MAP7D2: variants seen among roughly 807,000 people sequenced by gnomAD.
MAP7D2 encodes the protein MAP7 domain-containing protein 2.
In MAP7D2, 33 loss-of-function variants were observed where a neutral mutation model predicts 63.5. That is an observed-to-expected ratio of 0.52 (90% CI 0.39 to 0.70). The LOEUF is 0.70. Among genes scored for constraint, MAP7D2 ranks in the 30% least tolerant of loss-of-function variants. The pLI, the probability that MAP7D2 is intolerant of heterozygous loss-of-function variation, is 0.00. For synonymous variants in MAP7D2, 224 were observed against 223.7 expected, an observed-to-expected ratio of 1.00 and a Z score of -0.01; for missense variants, 626 against 604.0, an observed-to-expected ratio of 1.04 and a Z score of -0.38.
chrX:20,103,825 G>C (rs1020549686), intron 1 of MAP7D2, among the ~76,000 whole-genome samples: 1 of 111,579 alleles, frequency 9.0e-6, no homozygotes, highest in Non-Finnish European at 1.9e-5. Context: ...GTTGTACCTT[G>C]CATGTCTTAT....
rs200382711 is a variant in MAP7D2, at chrX:20,052,979, T to A, written c.494A>T (p.Lys165Ile). The change falls in exon 5 of 17, where the codon AAA (lysine) becomes ATA (isoleucine). Residue 165 changes from lysine to isoleucine, a missense_variant. Coordinates refer to ENST00000379643, the MANE Select transcript of MAP7D2 (RefSeq NM_001168465.2). ...CAAACTCATAGTTGATGTTGAAAGTTTGTCACATGCTGCAGAGAAATGCAT... is the reference window on the plus strand; with the variant it reads ...CAAACTCATAGTTGATGTTGAAAGTATGTCACATGCTGCAGAGAAATGCAT... ...IGPGGHDACD[K>I]LSTSTMSLPK... is the part of the protein sequence containing the mutation. 2.5e-6 allele frequency: 3 copies of A among 1,198,085 alleles called. No individual in the cohort carries two copies. In the South Asian group the frequency reaches 5.3e-5, roughly 21 times the overall value.
Position 20,056,669 on chromosome X carries a change from C to T in MAP7D2, c.484+11G>A. On this transcript the variant is annotated intron_variant, in intron 4 of 16. Coordinates refer to ENST00000379643, the MANE Select transcript of MAP7D2 (RefSeq NM_001168465.2). ...CCAGGACCTGAAATACAGGGGCAAC[C>T]CTACACTCACCATCATGTCCTCCGG... The T allele has an allele frequency of 2.5e-6, 3 of 1,198,713 alleles. No homozygotes were observed. The highest frequency in any genetic ancestry group is 3.4e-6 in the Non-Finnish European group (3 of 883,850).
At chrX:20,112,949 C>A (rs946090663) in intron 1 of MAP7D2, among the ~76,000 whole-genome samples, 4 of 112,270 alleles carry the variant, frequency 3.6e-5, no homozygotes, top group African/African-American at 1.3e-4. Flanking sequence ...ACACTAGCCA[C>A]TGCAGAAGAT....
intron 1 of MAP7D2, among the ~76,000 whole-genome samples, chrX:20,085,320 C>G (rs1387816882): frequency 8.9e-6 from 1 of 112,066 alleles, no homozygotes; most frequent in East Asian, 2.8e-4. Flanking sequence ...GTACTGAAAA[C>G]TGGGTTTACC....
chrX:20,108,337 C>T (rs963689239), intron 1 of MAP7D2, among the ~76,000 whole-genome samples: 8 of 109,503 alleles, frequency 7.3e-5, no homozygotes, highest in Non-Finnish European at 1.3e-4. Context: ...CTGGTTCAAG[C>T]GATTCTCGTG....
At chrX:20,093,330 G>T (rs1044857771) in intron 1 of MAP7D2, among the ~76,000 whole-genome samples, 2 of 111,528 alleles carry the variant, frequency 1.8e-5, no homozygotes, top group African/African-American at 6.5e-5. Flanking sequence ...GGAAAAAAGG[G>T]TGGTGGCTTA....
At chrX:20,084,712 G>A (rs2065867220) in intron 1 of MAP7D2, among the ~76,000 whole-genome samples, 1 of 109,912 alleles carries the variant, frequency 9.1e-6, no homozygotes, top group Middle Eastern at 4.2e-3. Context: ...GGGATTACAG[G>A]TGCGCACCAC....
rs1366685291 is a variant in MAP7D2 at position 20,063,457 on chromosome X, G to T, written c.329C>A (p.Ala110Asp). 1 of 1,211,742 alleles carries T rather than the reference G, an allele frequency of 8.3e-7. No homozygotes were observed. Among genetic ancestry groups the T allele is most frequent in the Non-Finnish European group, 1.1e-6 (1 of 895,489 alleles). ...CTGTTTCCTTTTCTCTTCCACAGCAGCTCTCTTTTGGTCCTCCCGCTGCCG... is the reference window on the plus strand; with the variant it reads ...CTGTTTCCTTTTCTCTTCCACAGCATCTCTCTTTTGGTCCTCCCGCTGCCG... ...EQRQREDQKR[A>D]AVEEKRKQKL... is the part of the protein sequence containing the mutation. Residue 110 changes from alanine (A) to aspartate (D), a missense_variant, in exon 3 of 17, where the codon GCT (alanine) becomes GAT (aspartate). Coordinates refer to ENST00000379643, the MANE Select transcript of MAP7D2 (RefSeq NM_001168465.2).
intron 1 of MAP7D2, among the ~76,000 whole-genome samples, chrX:20,112,191 C>T (rs559915041): frequency 8.9e-6 from 1 of 111,975 alleles, no homozygotes; most frequent in South Asian, 3.7e-4. Flanking sequence ...CTATTTGGCA[C>T]TGAGAGGAAA....
intron 6 of MAP7D2, among the ~76,000 whole-genome samples, chrX:20,050,069 A>C (rs1181973088): frequency 2.7e-5 from 3 of 112,345 alleles, no homozygotes; most frequent in Non-Finnish European, 3.8e-5. Flanking sequence ...TGAGTACACT[A>C]TCTGGAGAAC....
At position 20,016,302 on chromosome X, in the gene MAP7D2, C is replaced by A. The variant is rs1422949800; in HGVS notation, c.1436G>T (p.Arg479Ile). ...QDRLEREELK[R>I]KAEEERLRLE... is the part of the protein sequence containing the mutation. Reference sequence around the variant, plus strand: ...GCGAAGCCTTTCCTCCTCTGCCTTTCTTTTCAATTCCTCTCTCTCCAGCCT... The same window carrying A: ...GCGAAGCCTTTCCTCCTCTGCCTTTATTTTCAATTCCTCTCTCTCCAGCCT... The change falls in exon 11 of 17, where the codon AGA becomes ATA. Residue 479 changes from arginine (R) to isoleucine (I), a missense_variant. Transcript: ENST00000379643. The A allele has an allele frequency of 3.3e-6, 4 of 1,208,727 alleles. No homozygotes were observed. Among genetic ancestry groups the A allele is most frequent in the Non-Finnish European group, 4.5e-6 (4 of 894,862 alleles).
chrX:20,089,749 T>C (rs1320794806), intron 1 of MAP7D2, among the ~76,000 whole-genome samples: 4 of 112,682 alleles, frequency 3.5e-5, no homozygotes, highest in Non-Finnish European at 5.6e-5. Context: ...ATATTTACAA[T>C]GTACATATTT....
chrX:20,095,261 A>G (rs1183363698), intron 1 of MAP7D2, among the ~76,000 whole-genome samples: 1 of 112,050 alleles, frequency 8.9e-6, no homozygotes, highest in African/African-American at 3.2e-5. Flanking sequence ...GGCCAAGGCC[A>G]CACACAGTGG....
chrX:20,025,705 C>T lies in MAP7D2; in HGVS notation c.1255G>A (p.Gly419Arg), dbSNP rs1339083443. The T allele has an allele frequency of 2.5e-6, 3 of 1,210,400 alleles. No homozygotes were observed. In the African/African-American group the frequency reaches 5.2e-5, roughly 21 times the overall value. Reference protein sequence around the residue: ...HASEKHAAAAGGKAENSAALG... With the variant: ...HASEKHAAAARGKAENSAALG... ...CCTGCGCTGTTTTCGGCTTTCCCTCCTGCGGCAGCAGCATGCTTCTCGCTG... is the reference window on the plus strand; with the variant it reads ...CCTGCGCTGTTTTCGGCTTTCCCTCTTGCGGCAGCAGCATGCTTCTCGCTG... Residue 419 changes from glycine to arginine, a missense_variant, in exon 9 of 17, where the codon GGA (glycine) becomes AGA (arginine). Gly to Arg is a moderately radical substitution (Grantham distance 125). Transcript: ENST00000379643.
chrX:20,064,918 A>G, intron 1 of MAP7D2, 113 bp from the exon 2 acceptor site: 2 of 578,851 alleles, frequency 3.5e-6, no homozygotes, highest in Non-Finnish European at 5.8e-6. Context: ...CACATCATCC[A>G]TCTCCATCAC....
chrX:20,044,659 G>C (rs2064749040), intron 6 of MAP7D2, 135 bp from the exon 7 acceptor site: 3 of 557,961 alleles, frequency 5.4e-6, no homozygotes, highest in Non-Finnish European at 8.6e-6. Context: ...TTGTACACAG[G>C]ATGGATCTTA....
chrX:20,035,019 C>T (rs1024082019), intron 8 of MAP7D2, among the ~76,000 whole-genome samples: 1 of 111,661 alleles, frequency 9.0e-6, no homozygotes, highest in Non-Finnish European at 1.9e-5. Context: ...CCAGCTACTC[C>T]CTTCCACCCC....
chrX:20,098,521 A>G (rs2066334550), intron 1 of MAP7D2, among the ~76,000 whole-genome samples: 1 of 110,830 alleles, frequency 9.0e-6, no homozygotes, highest in Admixed American at 9.6e-5. Context: ...AAGTTCTGTG[A>G]AAAGGATGCC....
chrX:20,019,100 T>C (rs932092104), intron 10 of MAP7D2, among the ~76,000 whole-genome samples: 39 of 110,300 alleles, frequency 3.5e-4, no homozygotes, highest in Middle Eastern at 4.7e-3. Flanking sequence ...CATCACAGCT[T>C]ACTGCAGCCC....
Sources: allele counts gnomAD v4.1 joint callset (sites outside exome capture counted in the v4.1 genomes callset), GRCh38; gene constraint gnomAD v4.1.1; transcripts MANE v1.5; gene names NCBI Gene and HGNC (gene_info 2026-07-23, HGNC 2026-07-21).